CDH20: variants seen among roughly 807,000 people sequenced by gnomAD.
CDH20 encodes cadherin-20.
In CDH20, 29 loss-of-function variants were observed where a neutral mutation model predicts 74.2. The ratio of observed to expected loss-of-function variants is 0.39; its 90% CI spans 0.29 to 0.53. The LOEUF is 0.53. Among genes scored for constraint, CDH20 ranks in the 20% least tolerant of loss-of-function variants. The probability of loss-of-function intolerance (pLI) is 0.69; values close to 1 mark genes in which losing one functional copy is unlikely to be tolerated. For missense variants in CDH20, 988 were observed against 1,048.3 expected, an observed-to-expected ratio of 0.94 and a Z score of 0.79; for synonymous variants, 469 against 405.4, an observed-to-expected ratio of 1.16 and a Z score of -1.88.
intron 1 of CDH20, among the ~76,000 whole-genome samples, chr18:61,418,818 G>A (rs528138065): frequency 6.6e-6 from 1 of 152,052 alleles, no homozygotes; most frequent in African/African-American, 2.4e-5. Flanking sequence ...GTCCTACTTA[G>A]CCATTATTGT....
At chr18:61,521,190 A>G (rs1027367195) in intron 6 of CDH20, among the ~76,000 whole-genome samples, 5 of 151,218 alleles carry the variant, frequency 3.3e-5, no homozygotes, top group Non-Finnish European at 7.4e-5. Flanking sequence ...ACACTAATAA[A>G]AAAGAAAAGA....
At position 61,538,624 on chromosome 18, in the gene CDH20, TG is replaced by T. The variant is rs1389331119; in HGVS notation, c.1409-399del. ...TTTGTTTTTGTTTTTGTTTTTGTTT[TG>T]TTTTTTTTTTTGAGACGGAGTCTTA... is the stretch of plus-strand genomic sequence containing the variant. On this transcript the variant is annotated intron_variant, in intron 8 of 11. Transcript: ENST00000262717. Among the ~76,000 whole-genome samples the T allele has an allele frequency of 9.4e-3, 828 of 87,732 alleles. 97 individuals carry two copies. Among genetic ancestry groups the T allele is most frequent in the Non-Finnish European group, 0.012 (518 of 42,826 alleles). The allele number at this position is 87,732 out of a possible 152,430, so 57.6% of individuals were successfully genotyped here.
chr18:61,528,269 C>G (rs1183700846), intron 7 of CDH20, 49 bp downstream of exon 7: 1 of 1,575,242 alleles, frequency 6.3e-7, no homozygotes, highest in Admixed American at 1.7e-5. Context: ...ATCTTCCCTT[C>G]CCTTGTATGT....
chr18:61,536,016 G>T (rs1912806583), intron 7 of CDH20, among the ~76,000 whole-genome samples: 1 of 152,100 alleles, frequency 6.6e-6, no homozygotes, highest in South Asian at 2.1e-4. Context: ...AAAGGGCCTG[G>T]TACAAGGCTT....
chr18:61,403,638 G>T (rs968066015), intron 1 of CDH20, among the ~76,000 whole-genome samples: 1 of 152,182 alleles, frequency 6.6e-6, no homozygotes, highest in African/African-American at 2.4e-5. Flanking sequence ...AGAGAGCCCT[G>T]TGGAAGCACC....
intron 1 of CDH20, among the ~76,000 whole-genome samples, chr18:61,464,770 A>G (rs1442083876): frequency 6.6e-6 from 1 of 152,240 alleles, no homozygotes; most frequent in Non-Finnish European, 1.5e-5. Flanking sequence ...AAACATTAGC[A>G]TCACAGTGAA....
chr18:61,369,158 A>C (rs1910951476), intron 1 of CDH20, among the ~76,000 whole-genome samples: 2 of 152,084 alleles, frequency 1.3e-5, no homozygotes, highest in Admixed American at 1.3e-4. Flanking sequence ...TGTATATTTC[A>C]AATAAGGCTA....
chr18:61,473,556 A>G (rs1302593692), intron 1 of CDH20, among the ~76,000 whole-genome samples: 2 of 152,228 alleles, frequency 1.3e-5, no homozygotes, highest in Non-Finnish European at 2.9e-5. Flanking sequence ...CAATAACAGC[A>G]TTTTCCATTC....
At chr18:61,545,602 G>A (rs555949528) in intron 10 of CDH20, among the ~76,000 whole-genome samples, 1 of 151,410 alleles carries the variant, frequency 6.6e-6, no homozygotes, top group Admixed American at 6.6e-5. Context: ...TGTAACAACG[G>A]GAAAAATCTG....
At chr18:61,336,066 G>A in intron 1 of CDH20, among the ~76,000 whole-genome samples, 1 of 152,212 alleles carries the variant, frequency 6.6e-6, no homozygotes. Flanking sequence ...GCTGAGGGTT[G>A]AGAGGAGAGA....
chr18:61,524,026 G>T (rs770820550), intron 6 of CDH20, among the ~76,000 whole-genome samples: 96 of 151,944 alleles, frequency 6.3e-4, no homozygotes, highest in African/African-American at 2.0e-3. Flanking sequence ...AAACCTGCAC[G>T]TTCTGCACAT....
chr18:61,490,036 A>T (rs1167838519), intron 1 of CDH20, among the ~76,000 whole-genome samples: 1 of 152,160 alleles, frequency 6.6e-6, no homozygotes. Context: ...TTTGTAAATG[A>T]ATGCTGCTTT....
chr18:61,443,379 G>C (rs528498566), intron 1 of CDH20, among the ~76,000 whole-genome samples: 1 of 152,150 alleles, frequency 6.6e-6, no homozygotes, highest in Admixed American at 6.5e-5. Flanking sequence ...ACTGTTGGAG[G>C]GACACAAAGA....
intron 1 of CDH20, among the ~76,000 whole-genome samples, chr18:61,385,487 AG>A (rs1227418404): frequency 1.3e-5 from 2 of 152,134 alleles, no homozygotes; most frequent in East Asian, 3.8e-4. Flanking sequence ...CAAAATCAAA[AG>A]GCAAAAATGG....
At chr18:61,340,194 A>G (rs559685554) in intron 1 of CDH20, among the ~76,000 whole-genome samples, 4 of 147,678 alleles carry the variant, frequency 2.7e-5, no homozygotes, top group South Asian at 2.2e-4. Context: ...CTTGTTAGGA[A>G]CTAAATTGTC....
chr18:61,340,501 A>G (rs182994749), intron 1 of CDH20, among the ~76,000 whole-genome samples: 103 of 152,302 alleles, frequency 6.8e-4, no homozygotes, highest in African/African-American at 2.4e-3. Flanking sequence ...GACAGAACCA[A>G]ATTTTGATTT....
At chr18:61,377,821 C>T (rs928175067) in intron 1 of CDH20, among the ~76,000 whole-genome samples, 16 of 152,050 alleles carry the variant, frequency 1.1e-4, no homozygotes, top group Admixed American at 3.3e-4. Flanking sequence ...ATCTATGTTA[C>T]GGTTCACTCC....
At chr18:61,522,998 G>T (rs1912264808) in intron 6 of CDH20, among the ~76,000 whole-genome samples, 1 of 152,152 alleles carries the variant, frequency 6.6e-6, no homozygotes, top group South Asian at 2.1e-4. Context: ...TCAGGACATA[G>T]GCATGGGCAA....
intron 9 of CDH20, among the ~76,000 whole-genome samples, chr18:61,544,623 C>T (rs935064526): frequency 6.6e-6 from 1 of 152,152 alleles, no homozygotes; most frequent in Non-Finnish European, 1.5e-5. Flanking sequence ...CCTTGGCATC[C>T]GCATCATTCC....
Sources: allele counts gnomAD v4.1 joint callset (sites outside exome capture counted in the v4.1 genomes callset), GRCh38; gene constraint gnomAD v4.1.1; transcripts MANE v1.5; gene names NCBI Gene and HGNC (gene_info 2026-07-23, HGNC 2026-07-21).